The following DSCAM variants were observed in gnomAD, a reference collection of about 807,000 sequenced individuals.
DSCAM encodes the protein cell adhesion molecule DSCAM.
DSCAM carries 47 observed loss-of-function variants against 217.7 expected under a neutral mutation model. The observed-to-expected ratio is 0.22, with a 90% CI of 0.17 to 0.28. The LOEUF (loss-of-function observed/expected upper bound fraction) is 0.28, where lower values mean the gene tolerates loss of function less well. DSCAM is among the 10% of genes least tolerant of loss of function. The probability of loss-of-function intolerance (pLI) is 1.00; values close to 1 mark genes in which losing one functional copy is unlikely to be tolerated. For missense variants in DSCAM, 2,080 were observed against 2,618.3 expected (o/e 0.79, Z 4.49); for synonymous variants, 1,056 against 1,015.3 (o/e 1.04, Z -0.76).
intron 2 of DSCAM, among the ~76,000 whole-genome samples, chr21:40,706,221 A>C (rs1029245341): frequency 6.6e-6 from 1 of 151,698 alleles, no homozygotes; most frequent in Admixed American, 6.6e-5. Context: ...AAGAAAGCAC[A>C]GTCTGCTAAG....
chr21:40,160,606 TC>T (rs1439321136), intron 16 of DSCAM, among the ~76,000 whole-genome samples: 1 of 152,148 alleles, frequency 6.6e-6, no homozygotes, highest in African/African-American at 2.4e-5. Flanking sequence ...CAGGACCTGG[TC>T]CAATTGTAAA....
chr21:40,759,785 GT>G (rs1185225279), intron 1 of DSCAM, among the ~76,000 whole-genome samples: 1 of 152,088 alleles, frequency 6.6e-6, no homozygotes, highest in Non-Finnish European at 1.5e-5. Context: ...ACAGCCTGGG[GT>G]GCCAGTCTTT....
chr21:40,188,511 C>G (rs1312821095), intron 12 of DSCAM, among the ~76,000 whole-genome samples: 3 of 152,194 alleles, frequency 2.0e-5, no homozygotes, highest in Admixed American at 2.0e-4. Flanking sequence ...CACCTCCCCA[C>G]CCTGTGTGTG....
chr21:40,562,082 G>C lies in DSCAM; in HGVS notation c.508+130728C>G, dbSNP rs557021791. 3.2e-4 allele frequency among the ~76,000 whole-genome samples: 48 copies of C among 152,230 alleles called. 1 individual carries two copies. The South Asian group carries it at 7.7e-3, about 24-fold the overall frequency. On this transcript the variant is annotated intron_variant, in intron 3 of 32. Transcript: ENST00000400454. ...TTCCACTCTTGGGCTCAAATGTTTT[G>C]CTTTTCTGTGTCTGCTCAACTAACA...
Position 40,016,718 on chromosome 21 carries a change from C to T in DSCAM, c.5687-3332G>A, listed in dbSNP as rs529218858. ...TGCCATTAGCCAGCTGCTCTGCTAG[C>T]GGGGCAATGAAAGTGATATGTGTTT... On this transcript the variant is annotated intron_variant, in intron 32 of 32. Coordinates refer to ENST00000400454, the MANE Select transcript of DSCAM (RefSeq NM_001389.5). The surrounding 1 kb of genome is among the most constrained non-coding windows in gnomAD (Gnocchi z 4.3). Among the ~76,000 whole-genome samples, 39 of 152,332 alleles carry T rather than the reference C, an allele frequency of 2.6e-4. No homozygotes were observed. The highest frequency in any genetic ancestry group is 8.3e-4 in the South Asian group (4 of 4,828).
At chr21:40,061,452 G>A (rs139429300) in intron 28 of DSCAM, among the ~76,000 whole-genome samples, 2,788 of 151,682 alleles carry the variant, frequency 0.018, 81 homozygotes, top group African/African-American at 0.064. Flanking sequence ...GCCTGTAATC[G>A]TGGCTCCTCG....
chr21:40,450,389 A>T (rs1449715229), intron 3 of DSCAM, among the ~76,000 whole-genome samples: 1 of 152,166 alleles, frequency 6.6e-6, no homozygotes, highest in East Asian at 1.9e-4. Flanking sequence ...TTGCCTTCAA[A>T]TTCTGGCCAC....
chr21:40,072,391 G>T (rs1381957414), intron 27 of DSCAM, among the ~76,000 whole-genome samples: 1 of 147,190 alleles, frequency 6.8e-6, no homozygotes, highest in African/African-American at 2.6e-5. Flanking sequence ...CTGTCACCCA[G>T]GCTGGAGTGC....
chr21:40,598,551 C>G (rs1333518551), intron 3 of DSCAM, among the ~76,000 whole-genome samples: 1 of 119,424 alleles, frequency 8.4e-6, no homozygotes, highest in Non-Finnish European at 1.6e-5. Context: ...GTCACCCAGG[C>G]TACAGTGCAG....
At chr21:40,794,522 G>A (rs895291909) in intron 1 of DSCAM, among the ~76,000 whole-genome samples, 8 of 145,440 alleles carry the variant, frequency 5.5e-5, no homozygotes, top group African/African-American at 2.0e-4. Context: ...AGTAAAGCAC[G>A]CCTGTTCTTA....
intron 3 of DSCAM, among the ~76,000 whole-genome samples, chr21:40,606,473 ACAGT>A (rs1370740580): frequency 3.9e-5 from 6 of 152,252 alleles, no homozygotes; most frequent in Non-Finnish European, 8.8e-5. Flanking sequence ...GCCCAGGTCA[ACAGT>A]CAAACACAAA....
chr21:40,309,153 C>A (rs894571262), intron 9 of DSCAM, among the ~76,000 whole-genome samples: 2 of 152,196 alleles, frequency 1.3e-5, no homozygotes, highest in Non-Finnish European at 2.9e-5. Flanking sequence ...CTCCATTTTA[C>A]TGCCTCCTGT....
chr21:40,342,645 T>TA (rs2074508569), intron 6 of DSCAM, among the ~76,000 whole-genome samples: 1 of 109,414 alleles, frequency 9.1e-6, no homozygotes, highest in South Asian at 3.3e-4. Context: ...TATATATATA[T>TA]ATATTTTTTT....
chr21:40,365,978 A>G lies in DSCAM; in HGVS notation c.655+3121T>C, dbSNP rs16999694. Among the ~76,000 whole-genome samples, 701 of 152,126 alleles carry G rather than the reference A, an allele frequency of 4.6e-3. 6 individuals are homozygous for G. Among genetic ancestry groups the G allele is most frequent in the African/African-American group, 0.016 (669 of 41,514 alleles). On this transcript the variant is annotated intron_variant, in intron 4 of 32. Transcript: ENST00000400454. ...AAGAAAAAACTTGTTTATTACATTTACTGTTCTTTTGGTCTATTTTCTATT... is the reference window on the plus strand; with the variant it reads ...AAGAAAAAACTTGTTTATTACATTTGCTGTTCTTTTGGTCTATTTTCTATT...
intron 1 of DSCAM, among the ~76,000 whole-genome samples, chr21:40,820,505 T>A (rs2091916090): frequency 6.6e-6 from 1 of 152,130 alleles, no homozygotes; most frequent in South Asian, 2.1e-4. Context: ...AAATACCTAA[T>A]GCATATGGGG....
At chr21:40,509,619 C>G (rs2076242324) in intron 3 of DSCAM, among the ~76,000 whole-genome samples, 1 of 152,158 alleles carries the variant, frequency 6.6e-6, no homozygotes, top group Non-Finnish European at 1.5e-5. Flanking sequence ...GACATGGACC[C>G]AGTCAATAAG....
chr21:40,546,190 A>G (rs13046433), intron 3 of DSCAM, among the ~76,000 whole-genome samples: 23,373 of 152,208 alleles, frequency 0.15, 1,991 homozygotes, highest in Middle Eastern at 0.21. Flanking sequence ...TTTCTTGGGA[A>G]AATGATTCAC....
chr21:40,648,261 A>T (rs2089972505), intron 3 of DSCAM, among the ~76,000 whole-genome samples: 1 of 150,856 alleles, frequency 6.6e-6, no homozygotes, highest in Non-Finnish European at 1.5e-5. Flanking sequence ...ACACACACAC[A>T]CACACACACA....
chr21:40,292,938 G>T (rs2898411), intron 10 of DSCAM, among the ~76,000 whole-genome samples: 9 of 151,898 alleles, frequency 5.9e-5, no homozygotes, highest in Admixed American at 5.9e-4. Flanking sequence ...GGGTTTCACC[G>T]TGTTAGCCAG....
Sources: gnomAD v4.1 joint callset for allele counts (sites outside exome capture counted in the v4.1 genomes callset) on GRCh38, gnomAD v4.1.1 for gene constraint, Gnocchi (gnomAD v3.1) non-coding constraint, MANE v1.5 for transcripts, NCBI Gene and HGNC (gene_info 2026-07-23, HGNC 2026-07-21) for gene names.